Variants in CTNND2 observed in about 807,000 individuals in gnomAD.
CTNND2 encodes catenin delta-2.
CTNND2 carries 22 observed loss-of-function variants against 144.4 expected under a neutral mutation model. The observed-to-expected ratio is 0.15, with a 90% CI of 0.11 to 0.22. The LOEUF is 0.22. CTNND2 is among the 10% of genes least tolerant of loss of function. CTNND2 has a pLI of 1.00. For missense variants in CTNND2, 1,353 were observed against 1,618.8 expected, an observed-to-expected ratio of 0.84 and a Z score of 2.82; for synonymous variants, 751 against 695.6, an observed-to-expected ratio of 1.08 and a Z score of -1.25.
At chr5:11,371,880 T>G (rs916011670) in intron 7 of CTNND2, among the ~76,000 whole-genome samples, 4 of 152,204 alleles carry the variant, frequency 2.6e-5, no homozygotes, top group African/African-American at 9.6e-5. Flanking sequence ...TGAAACCAAA[T>G]AATTCCAGTG....
At chr5:10,986,114 AAGTTAG>A (rs1379436198) in intron 20 of CTNND2, among the ~76,000 whole-genome samples, 1 of 152,250 alleles carries the variant, frequency 6.6e-6, no homozygotes, top group Non-Finnish European at 1.5e-5. Context: ...ATTTTTAAGT[AAGTTAG>A]AGCAAAGCTG....
intron 2 of CTNND2, among the ~76,000 whole-genome samples, chr5:11,581,295 G>A (rs1778409979): frequency 6.6e-6 from 1 of 150,462 alleles, no homozygotes; most frequent in African/African-American, 2.4e-5. Flanking sequence ...TGTTCTTCTT[G>A]GAACAGAATT....
intron 16 of CTNND2, among the ~76,000 whole-genome samples, chr5:11,049,214 C>T (rs1745584205): frequency 6.6e-6 from 1 of 152,094 alleles, no homozygotes; most frequent in Non-Finnish European, 1.5e-5. Context: ...ATATCTATTC[C>T]ATACTTCTCA....
Position 11,647,771 on chromosome 5 carries a change from G to A in CTNND2, c.175-82715C>T, listed in dbSNP as rs540759126. 3.0e-4 allele frequency among the ~76,000 whole-genome samples: 46 copies of A among 151,972 alleles called. 1 individual carries two copies. The highest frequency in any genetic ancestry group is 2.7e-3 in the South Asian group (13 of 4,816). ...CCCTTGACAATTCTCACCTTCTCAC[G>A]GGCATCCCATCACTAACTGCTTTCC... On this transcript the variant is annotated intron_variant, in intron 2 of 21. Transcript: ENST00000304623.
chr5:11,547,035 G>A (rs757706350), intron 3 of CTNND2, among the ~76,000 whole-genome samples: 3 of 152,042 alleles, frequency 2.0e-5, no homozygotes, highest in Non-Finnish European at 2.9e-5. Context: ...TTCGGAGGCC[G>A]AAGTGGGTGG....
chr5:11,353,191 A>G (rs1338498398), intron 8 of CTNND2, among the ~76,000 whole-genome samples: 2 of 151,726 alleles, frequency 1.3e-5, no homozygotes, highest in Non-Finnish European at 2.9e-5. Context: ...GCTTCTTCAC[A>G]TGATCTCATT....
chr5:11,235,024 T>C (rs154719), intron 10 of CTNND2, among the ~76,000 whole-genome samples: 19,006 of 152,230 alleles, frequency 0.12, 1,289 homozygotes, highest in South Asian at 0.19. Flanking sequence ...GTGCTTGGCC[T>C]GGAAAGCCTC....
intron 12 of CTNND2, among the ~76,000 whole-genome samples, chr5:11,137,852 T>TTA (rs895289668): frequency 2.6e-5 from 4 of 152,226 alleles, no homozygotes; most frequent in Admixed American, 1.3e-4. Flanking sequence ...AATGACCCTG[T>TTA]ATTAGCTTTT....
chr5:11,811,986 A>C (rs1177388261), intron 1 of CTNND2, among the ~76,000 whole-genome samples: 1 of 152,206 alleles, frequency 6.6e-6, no homozygotes, highest in Non-Finnish European at 1.5e-5. Flanking sequence ...ACTATAACAC[A>C]AAAAAAGCAT....
At chr5:11,086,277 G>A (rs1345488463) in intron 15 of CTNND2, among the ~76,000 whole-genome samples, 1 of 152,066 alleles carries the variant, frequency 6.6e-6, no homozygotes, top group Non-Finnish European at 1.5e-5. Context: ...ACCGGAGATG[G>A]TCCAATCACC....
At chr5:11,631,391 T>G (rs1357536198) in intron 2 of CTNND2, among the ~76,000 whole-genome samples, 1 of 152,194 alleles carries the variant, frequency 6.6e-6, no homozygotes, top group East Asian at 1.9e-4. Context: ...TTTACTACTA[T>G]AAAAATTTTC....
rs1205518662 is a variant in CTNND2, at chr5:11,429,622, G to A, written c.288-17553C>T. 4.9e-4 allele frequency among the ~76,000 whole-genome samples: 74 copies of A among 152,124 alleles called. 1 individual carries two copies. The highest frequency in any genetic ancestry group is 4.8e-3 in the Admixed American group (74 of 15,268). Reference sequence around the variant, plus strand: ...CTAAATGAAATGAGTTGGTGGTGTTGGTTTAGTTCCTCTTGGACCCATTTC... The same window carrying A: ...CTAAATGAAATGAGTTGGTGGTGTTAGTTTAGTTCCTCTTGGACCCATTTC... On this transcript the variant is annotated intron_variant, in intron 3 of 21. Transcript: ENST00000304623.
chr5:11,445,532 CAGAGGG>C (rs1410751837), intron 3 of CTNND2, among the ~76,000 whole-genome samples: 1 of 152,164 alleles, frequency 6.6e-6, no homozygotes, highest in African/African-American at 2.4e-5. Flanking sequence ...CAGGTGCCTC[CAGAGGG>C]ACTGGAGGCC....
chr5:11,827,040 C>T (rs548976732), intron 1 of CTNND2, among the ~76,000 whole-genome samples: 24 of 152,104 alleles, frequency 1.6e-4, no homozygotes, highest in African/African-American at 5.8e-4. Flanking sequence ...TTAAAGGACA[C>T]TTGGACATTG....
At chr5:11,167,243 A>G (rs919083201) in intron 11 of CTNND2, among the ~76,000 whole-genome samples, 4 of 152,214 alleles carry the variant, frequency 2.6e-5, no homozygotes, top group Non-Finnish European at 5.9e-5. Flanking sequence ...ATAACACCGT[A>G]AACTCTCATT....
intron 9 of CTNND2, among the ~76,000 whole-genome samples, chr5:11,248,998 T>A (rs901278818): frequency 6.6e-6 from 1 of 152,240 alleles, no homozygotes; most frequent in East Asian, 1.9e-4. Flanking sequence ...TCTAACAAAA[T>A]GTGGTCTAAT....
At chr5:11,334,102 T>C (rs1404497832) in intron 9 of CTNND2, among the ~76,000 whole-genome samples, 4 of 152,204 alleles carry the variant, frequency 2.6e-5, no homozygotes, top group Non-Finnish European at 4.4e-5. Flanking sequence ...TTCTAGTCAC[T>C]CATTCATTTA....
At chr5:11,182,394 T>G (rs1043848060) in intron 11 of CTNND2, among the ~76,000 whole-genome samples, 3 of 151,976 alleles carry the variant, frequency 2.0e-5, no homozygotes, top group Non-Finnish European at 4.4e-5. Flanking sequence ...CCTGTATATA[T>G]ATGTCTGTGT....
At position 11,215,866 on chromosome 5, in the gene CTNND2, G is replaced by T. The variant is rs61750754; in HGVS notation, c.1762-16205C>A. 1.4e-3 allele frequency among the ~76,000 whole-genome samples: 216 copies of T among 152,262 alleles called. 1 individual carries two copies. Among genetic ancestry groups the T allele is most frequent in the Middle Eastern group, 6.8e-3 (2 of 294 alleles). On this transcript the variant is annotated intron_variant, in intron 10 of 21. Transcript: ENST00000304623. The stretch of plus-strand genomic sequence containing the variant: ...ATATAGATATGCTTACAGGGGTGAG[G>T]GAAATAGTGATTTTGAATGACAAAT...
Sources: allele counts gnomAD v4.1 joint callset (sites outside exome capture counted in the v4.1 genomes callset), GRCh38; gene constraint gnomAD v4.1.1; transcripts MANE v1.5; gene names NCBI Gene and HGNC (gene_info 2026-07-23, HGNC 2026-07-21).